The following EYS variants were observed in gnomAD, a reference collection of about 807,000 sequenced individuals.
EYS encodes EGF-like photoreceptor maintenance factor.
A neutral mutation model predicts 282.1 loss-of-function variants in EYS; 250 were observed. That is an observed-to-expected ratio of 0.89 (90% CI 0.80 to 0.98). The LOEUF (loss-of-function observed/expected upper bound fraction) is 0.98. Among genes scored for constraint, EYS ranks in the 50% least tolerant of loss-of-function variants. The pLI is 0.00. For synonymous variants in EYS, 1,355 were observed against 1,282.9 expected, an observed-to-expected ratio of 1.06 and a Z score of -1.20; for missense variants, 4,016 against 3,709.0, an observed-to-expected ratio of 1.08 and a Z score of -2.15.
chr6:65,083,680 T>C (rs1305998943), intron 12 of EYS, among the ~76,000 whole-genome samples: 1 of 151,872 alleles, frequency 6.6e-6, no homozygotes, highest in African/African-American at 2.4e-5. Flanking sequence ...TCATTTTCTG[T>C]CTGAACACTG....
intron 12 of EYS, among the ~76,000 whole-genome samples, chr6:65,171,881 TA>T (rs1176620887): frequency 1.3e-5 from 2 of 151,708 alleles, no homozygotes; most frequent in East Asian, 2.0e-4. Flanking sequence ...TTTATTTAAT[TA>T]AAAACAGTTG....
intron 31 of EYS, among the ~76,000 whole-genome samples, chr6:64,125,478 G>A (rs898544725): frequency 4.0e-5 from 6 of 151,806 alleles, no homozygotes; most frequent in Admixed American, 1.3e-4. Flanking sequence ...AAGGAGTGAA[G>A]TTTAAAAGTC....
intron 26 of EYS, among the ~76,000 whole-genome samples, chr6:64,461,790 G>A (rs893971792): frequency 6.6e-6 from 1 of 152,018 alleles, no homozygotes; most frequent in Non-Finnish European, 1.5e-5. Context: ...ATGATAATAT[G>A]TCTATATAAA....
chr6:65,513,091 A>G (rs1766963618), intron 2 of EYS, among the ~76,000 whole-genome samples: 1 of 152,230 alleles, frequency 6.6e-6, no homozygotes, highest in Non-Finnish European at 1.5e-5. Context: ...GATGCAATAA[A>G]AAAGGATAAA....
chr6:64,747,348 T>C (rs1772591734), intron 22 of EYS, among the ~76,000 whole-genome samples: 2 of 152,188 alleles, frequency 1.3e-5, no homozygotes, highest in South Asian at 4.1e-4. Flanking sequence ...ATTTTTGACC[T>C]TGTAGTTCTG....
At chr6:64,892,798 T>C (rs1767329622) in intron 18 of EYS, among the ~76,000 whole-genome samples, 1 of 152,094 alleles carries the variant, frequency 6.6e-6, no homozygotes, top group Non-Finnish European at 1.5e-5. Flanking sequence ...ATAAACATCA[T>C]TCGGATTGAT....
intron 30 of EYS, among the ~76,000 whole-genome samples, chr6:64,232,431 C>T (rs779773808): frequency 2.0e-5 from 3 of 152,038 alleles, no homozygotes; most frequent in Non-Finnish European, 1.5e-5. Context: ...CTCTTATTGC[C>T]GAGGCTGGAG....
intron 33 of EYS, among the ~76,000 whole-genome samples, chr6:64,057,595 G>T (rs558925576): frequency 4.5e-4 from 69 of 152,216 alleles, no homozygotes; most frequent in African/African-American, 1.6e-3. Context: ...TCCAAAGAGA[G>T]ATGTCTGATT....
At chr6:63,823,438 C>A (rs1395219240) in intron 36 of EYS, among the ~76,000 whole-genome samples, 2 of 152,030 alleles carry the variant, frequency 1.3e-5, no homozygotes, top group Non-Finnish European at 2.9e-5. Flanking sequence ...AATGTTTTTT[C>A]ATTTATGAGT....
intron 1 of EYS, among the ~76,000 whole-genome samples, chr6:65,695,346 C>A (rs112754766): frequency 6.6e-6 from 1 of 151,906 alleles, no homozygotes; most frequent in Admixed American, 6.6e-5. Flanking sequence ...TAATATTTCC[C>A]GAAACTCTCA....
At chr6:65,260,243 G>C (rs1242785273) in intron 12 of EYS, among the ~76,000 whole-genome samples, 1 of 151,932 alleles carries the variant, frequency 6.6e-6, no homozygotes, top group African/African-American at 2.4e-5. Flanking sequence ...TCTTTATGAT[G>C]CAATTACCTC....
intron 22 of EYS, among the ~76,000 whole-genome samples, chr6:64,799,165 C>T (rs1267387302): frequency 2.6e-5 from 4 of 151,904 alleles, no homozygotes; most frequent in African/African-American, 9.7e-5. Flanking sequence ...CTCCATCCTA[C>T]CCCACAAATA....
chr6:64,578,836 T>C (rs908096525), intron 26 of EYS, among the ~76,000 whole-genome samples: 2 of 152,092 alleles, frequency 1.3e-5, no homozygotes, highest in African/African-American at 4.8e-5. Flanking sequence ...CTATTACACT[T>C]AGGCGATAAC....
chr6:65,129,553 T>TA (rs376609555), intron 12 of EYS, among the ~76,000 whole-genome samples: 5 of 151,224 alleles, frequency 3.3e-5, no homozygotes, highest in African/African-American at 7.3e-5. Flanking sequence ...CCAACAAACA[T>TA]AAAAAAAATG....
chr6:64,411,966 TATACAA>T (rs1293815371), intron 28 of EYS, among the ~76,000 whole-genome samples: 166 of 148,816 alleles, frequency 1.1e-3, no homozygotes, highest in Middle Eastern at 3.8e-3. Context: ...TATGTATATA[TATACAA>T]GTATATATAA....
At chr6:64,049,498 T>C (rs1770736710) in intron 33 of EYS, among the ~76,000 whole-genome samples, 1 of 152,186 alleles carries the variant, frequency 6.6e-6, no homozygotes, top group Non-Finnish European at 1.5e-5. Context: ...ATCATACATG[T>C]TCAATTCTTT....
At chr6:65,205,623 C>T (rs1236724110) in intron 12 of EYS, among the ~76,000 whole-genome samples, 1 of 151,822 alleles carries the variant, frequency 6.6e-6, no homozygotes, top group Non-Finnish European at 1.5e-5. Flanking sequence ...ACACATGGAA[C>T]ATTTGACCAT....
At chr6:64,465,004 T>C (rs749976886) in intron 26 of EYS, among the ~76,000 whole-genome samples, 4 of 151,544 alleles carry the variant, frequency 2.6e-5, no homozygotes, top group Non-Finnish European at 4.4e-5. Flanking sequence ...AATAAATAAA[T>C]GAATATTAAA....
chr6:65,046,524 A>T (rs1403736128), intron 13 of EYS, among the ~76,000 whole-genome samples: 1 of 151,774 alleles, frequency 6.6e-6, no homozygotes, highest in East Asian at 1.9e-4. Context: ...TTGTAAATTC[A>T]TGTTTCATAT....
Sources: allele counts gnomAD v4.1 joint callset (sites outside exome capture counted in the v4.1 genomes callset), GRCh38; gene constraint gnomAD v4.1.1; transcripts MANE v1.5; gene names NCBI Gene and HGNC (gene_info 2026-07-23, HGNC 2026-07-21).